The following ZFYVE9 variants were observed in gnomAD, a reference collection of about 807,000 sequenced individuals.
ZFYVE9 encodes zinc finger FYVE-type containing 9.
Under a neutral mutation model 126.7 loss-of-function variants are expected in ZFYVE9, and 43 were observed. That is an observed-to-expected ratio of 0.34 (90% CI 0.27 to 0.44). The LOEUF is 0.44. Ranked by LOEUF, ZFYVE9 falls within the 20% of genes least tolerant of loss-of-function variation. ZFYVE9 has a pLI of 1.00. For missense variants in ZFYVE9, 1,476 were observed against 1,697.0 expected, an observed-to-expected ratio of 0.87 and a Z score of 2.29; for synonymous variants, 521 against 597.4, an observed-to-expected ratio of 0.87 and a Z score of 1.87.
Position 52,274,547 on chromosome 1 carries a change from C to A in ZFYVE9, c.2709C>A (p.Gly903=), listed in dbSNP as rs768289157. The A allele has an allele frequency of 2.6e-5, 42 of 1,612,286 alleles. No homozygotes were observed. The highest frequency in any genetic ancestry group is 3.3e-5 in the Non-Finnish European group (39 of 1,178,946). The change falls in exon 8 of 19, where the codon GGC becomes GGA. Residue 903 remains glycine, a synonymous_variant. Coordinates refer to ENST00000287727, the MANE Select transcript of ZFYVE9 (RefSeq NM_004799.4). Reference sequence around the variant, plus strand: ...CAATGAATCTTATTCCTGAAGATGGCCTTCCTCCCATTCTCATCTCCACTG... The same window carrying A: ...CAATGAATCTTATTCCTGAAGATGGACTTCCTCCCATTCTCATCTCCACTG... The part of the protein sequence containing the change: ...GSAMNLIPED[G]LPPILISTGV...
chr1:52,275,308 A>C (rs966060735), intron 8 of ZFYVE9, among the ~76,000 whole-genome samples: 1 of 152,022 alleles, frequency 6.6e-6, no homozygotes, highest in Non-Finnish European at 1.5e-5. Context: ...AGTTAGGTTG[A>C]TTCTATGTCT....
At chr1:52,287,680 G>A (rs1024087880) in intron 10 of ZFYVE9, among the ~76,000 whole-genome samples, 2 of 145,706 alleles carry the variant, frequency 1.4e-5, no homozygotes, top group Admixed American at 7.0e-5. Flanking sequence ...TCAACATAAT[G>A]AGACCCTATC....
intron 7 of ZFYVE9, among the ~76,000 whole-genome samples, chr1:52,272,478 TG>T (rs1645702074): frequency 6.6e-6 from 1 of 152,228 alleles, no homozygotes; most frequent in Non-Finnish European, 1.5e-5. Flanking sequence ...TAGTATATAA[TG>T]TTTTGTGTTT....
intron 7 of ZFYVE9, among the ~76,000 whole-genome samples, chr1:52,272,968 A>C (rs1645709292): frequency 6.6e-6 from 1 of 151,798 alleles, no homozygotes; most frequent in South Asian, 2.1e-4. Context: ...GGCCGTATGA[A>C]TATTGTTATA....
At chr1:52,286,853 C>G (rs1463555833) in intron 10 of ZFYVE9, among the ~76,000 whole-genome samples, 1 of 152,152 alleles carries the variant, frequency 6.6e-6, no homozygotes, top group Non-Finnish European at 1.5e-5. Context: ...CTCCATACTT[C>G]CATTGTAGCC....
At chr1:52,274,224 CA>C (rs1174179999) in intron 7 of ZFYVE9, among the ~76,000 whole-genome samples, 5 of 152,154 alleles carry the variant, frequency 3.3e-5, no homozygotes, top group African/African-American at 1.2e-4. Context: ...CCTCTTCTGT[CA>C]TTACCATGAT....
chr1:52,253,710 T>G lies in ZFYVE9; in HGVS notation c.2179-10063T>G. On this transcript the variant is annotated intron_variant, in intron 4 of 18. Coordinates refer to ENST00000287727, the MANE Select transcript of ZFYVE9 (RefSeq NM_004799.4). ...TACGGGAAATTGGGTCACAAGCTGT[T>G]TGGTCACTCTCATCTTGCAAACCAG... 4 of 1,605,476 alleles carry G rather than the reference T, an allele frequency of 2.5e-6. No individual in the cohort carries two copies. In the South Asian group the frequency reaches 4.4e-5, roughly 18 times the overall value.
intron 14 of ZFYVE9, among the ~76,000 whole-genome samples, chr1:52,334,184 A>G (rs1002393103): frequency 2.0e-5 from 3 of 152,194 alleles, no homozygotes; most frequent in East Asian, 1.9e-4. Context: ...CTGAAAATCA[A>G]TGGATTAGAT....
At chr1:52,314,855 C>T (rs912320142) in intron 13 of ZFYVE9, among the ~76,000 whole-genome samples, 6 of 151,326 alleles carry the variant, frequency 4.0e-5, no homozygotes, top group African/African-American at 9.7e-5. Flanking sequence ...CGGTGGTGGG[C>T]GCCTGTAGTC....
intron 4 of ZFYVE9, among the ~76,000 whole-genome samples, chr1:52,241,402 C>T (rs1282498767): frequency 6.6e-6 from 1 of 152,150 alleles, no homozygotes; most frequent in Non-Finnish European, 1.5e-5. Flanking sequence ...TTCTTGTTAG[C>T]TGAAGTACTA....
intron 1 of ZFYVE9, among the ~76,000 whole-genome samples, chr1:52,183,299 T>C (rs1644732267): frequency 6.6e-6 from 1 of 152,220 alleles, no homozygotes; most frequent in Non-Finnish European, 1.5e-5. Flanking sequence ...GTAAACCAGT[T>C]AAGTAGACTA....
intron 14 of ZFYVE9, among the ~76,000 whole-genome samples, chr1:52,334,088 G>A (rs1384444847): frequency 4.9e-5 from 7 of 143,974 alleles, no homozygotes; most frequent in Admixed American, 1.4e-4. Context: ...GCGAGACTCC[G>A]TCTCAAAAAA....
chr1:52,143,488 T>C (rs1238564351), intron 1 of ZFYVE9, among the ~76,000 whole-genome samples: 1 of 152,192 alleles, frequency 6.6e-6, no homozygotes, highest in Non-Finnish European at 1.5e-5. Context: ...AATATGCTTA[T>C]TGTAGAAAAC....
intron 2 of ZFYVE9, among the ~76,000 whole-genome samples, chr1:52,218,615 C>T (rs1645094425): frequency 6.6e-6 from 1 of 152,188 alleles, no homozygotes. Flanking sequence ...GCCTGTTGCA[C>T]AAGCGTAACA....
chr1:52,320,262 G>T (rs1646226893), intron 13 of ZFYVE9, among the ~76,000 whole-genome samples: 2 of 151,856 alleles, frequency 1.3e-5, no homozygotes. Flanking sequence ...TAGAGACGGG[G>T]TTTCTCCATG....
At chr1:52,285,067 CCTAGAAGTGTTAATGGCGTA>C (rs1645844740) in intron 10 of ZFYVE9, among the ~76,000 whole-genome samples, 1 of 151,980 alleles carries the variant, frequency 6.6e-6, no homozygotes, top group Non-Finnish European at 1.5e-5. Context: ...GAAAATCAGA[CCTAGAAGTGTTAATGGCGTA>C]CCTAAATCAC....
chr1:52,159,824 C>T (rs1484751214), intron 1 of ZFYVE9, among the ~76,000 whole-genome samples: 2 of 150,652 alleles, frequency 1.3e-5, no homozygotes, highest in Admixed American at 1.3e-4. Context: ...GAGATGGAGT[C>T]TCGCTCTGTC....
chr1:52,194,478 A>G (rs1053443269), intron 1 of ZFYVE9, among the ~76,000 whole-genome samples: 5 of 152,228 alleles, frequency 3.3e-5, no homozygotes, highest in African/African-American at 9.6e-5. Context: ...CAATAAACAT[A>G]TGAAAGATAT....
At chr1:52,171,713 C>G (rs1644571714) in intron 1 of ZFYVE9, among the ~76,000 whole-genome samples, 1 of 152,030 alleles carries the variant, frequency 6.6e-6, no homozygotes, top group Non-Finnish European at 1.5e-5. Flanking sequence ...GAGATGGTAT[C>G]TCATTGTAGT....
Sources: gnomAD v4.1 joint callset for allele counts (sites outside exome capture counted in the v4.1 genomes callset) on GRCh38, gnomAD v4.1.1 for gene constraint, MANE v1.5 for transcripts, NCBI Gene and HGNC (gene_info 2026-07-23, HGNC 2026-07-21) for gene names.